STAG1: variants seen among roughly 807,000 people sequenced by gnomAD.
The protein encoded by STAG1 is cohesin subunit SA-1.
Under a neutral mutation model 170.9 loss-of-function variants are expected in STAG1, and 26 were observed. That is an observed-to-expected ratio of 0.15 (90% confidence interval 0.11 to 0.21). The LOEUF (loss-of-function observed/expected upper bound fraction) is 0.21, where lower values mean the gene tolerates loss of function less well. Among genes scored for constraint, STAG1 ranks in the 10% least tolerant of loss-of-function variants. The pLI is 1.00. For missense variants in STAG1, 964 were observed against 1,509.5 expected (o/e 0.64, Z 5.99); for synonymous variants, 514 against 497.7 (o/e 1.03, Z -0.44).
chr3:136,478,992 A>C (rs1229680869), intron 9 of STAG1, among the ~76,000 whole-genome samples: 1 of 152,036 alleles, frequency 6.6e-6, no homozygotes, highest in Non-Finnish European at 1.5e-5. Context: ...CTTAATACAA[A>C]TAGAAGACTT....
At chr3:136,592,305 T>G (rs894487579) in intron 4 of STAG1, among the ~76,000 whole-genome samples, 1 of 152,282 alleles carries the variant, frequency 6.6e-6, no homozygotes, top group Admixed American at 6.5e-5. Context: ...TCCCCTATAA[T>G]GTTCTCATGA....
At chr3:136,405,432 G>C (rs1232139178) in intron 21 of STAG1, among the ~76,000 whole-genome samples, 1 of 151,538 alleles carries the variant, frequency 6.6e-6, no homozygotes, top group African/African-American at 2.4e-5. Context: ...AGTAGAGACA[G>C]GGTTTCACCA....
intron 9 of STAG1, among the ~76,000 whole-genome samples, chr3:136,493,849 C>A (rs1256587638): frequency 6.6e-6 from 1 of 151,984 alleles, no homozygotes; most frequent in African/African-American, 2.4e-5. Context: ...GGGCTGACAA[C>A]CCCCCAAAAA....
At chr3:136,659,781 A>G (rs1009156002) in intron 1 of STAG1, among the ~76,000 whole-genome samples, 3 of 152,276 alleles carry the variant, frequency 2.0e-5, no homozygotes, top group Non-Finnish European at 4.4e-5. Context: ...ACTAAAATTT[A>G]GCAATGGGCC....
intron 16 of STAG1, among the ~76,000 whole-genome samples, chr3:136,427,716 C>T (rs1323034541): frequency 6.7e-6 from 1 of 149,460 alleles, no homozygotes; most frequent in African/African-American, 2.5e-5. Context: ...GGTGCAAAAA[C>T]CACTGTACCT....
intron 6 of STAG1, among the ~76,000 whole-genome samples, chr3:136,541,571 C>T (rs1267743575): frequency 6.6e-6 from 1 of 151,556 alleles, no homozygotes; most frequent in Non-Finnish European, 1.5e-5. Flanking sequence ...CACACACACA[C>T]ACACACACAC....
rs535245987 is a variant in STAG1 at position 136,521,329 on chromosome 3, C to T, written c.560G>A (p.Arg187Gln). Reference protein sequence around the residue: ...NFCEFIGVLIRQCQYSIIYDE... With the variant: ...NFCEFIGVLIQQCQYSIIYDE... Reference sequence around the variant, plus strand: ...ATAAATTATGCTATACTGACACTGTCGAATCAGGACTCCAATAAATTCACA... The same window carrying T: ...ATAAATTATGCTATACTGACACTGTTGAATCAGGACTCCAATAAATTCACA... Residue 187 changes from arginine to glutamine, a missense_variant, in exon 7 of 34, where the codon CGA becomes CAA. By Grantham distance (43) the Arg-to-Gln change is conservative. Around this residue, in one of 11 missense-constraint regions of STAG1, gnomAD observed 40 missense variants for 44.1 expected, o/e 0.91. Coordinates refer to ENST00000383202, the MANE Select transcript of STAG1 (RefSeq NM_005862.3). The T allele has an allele frequency of 5.6e-6, 9 of 1,613,660 alleles. No homozygotes were observed. Among genetic ancestry groups the T allele is most frequent in the East Asian group, 2.2e-5 (1 of 44,846 alleles).
intron 1 of STAG1, among the ~76,000 whole-genome samples, chr3:136,679,194 T>G (rs906475070): frequency 2.6e-5 from 4 of 152,126 alleles, no homozygotes; most frequent in African/African-American, 9.7e-5. Context: ...CAAATTTTTG[T>G]GGAAAGCAAT....
At chr3:136,524,827 G>A (rs543493345) in intron 6 of STAG1, among the ~76,000 whole-genome samples, 1 of 152,266 alleles carries the variant, frequency 6.6e-6, no homozygotes, top group East Asian at 1.9e-4. Flanking sequence ...TTTGTCAAAG[G>A]CCTTTTCAGC....
chr3:136,396,322 A>G (rs976655644), intron 22 of STAG1, among the ~76,000 whole-genome samples: 5 of 143,780 alleles, frequency 3.5e-5, no homozygotes, highest in African/African-American at 1.3e-4. Context: ...GGCTCCGGCC[A>G]TTCTCCTGCC....
chr3:136,712,851 G>A (rs1349172580), intron 1 of STAG1, among the ~76,000 whole-genome samples: 1 of 152,262 alleles, frequency 6.6e-6, no homozygotes, highest in Non-Finnish European at 1.5e-5. Context: ...AGCACTCTGG[G>A]AGGCTGAGGC....
intron 12 of STAG1, among the ~76,000 whole-genome samples, chr3:136,467,561 G>T (rs1310688982): frequency 6.6e-6 from 1 of 152,110 alleles, no homozygotes; most frequent in Non-Finnish European, 1.5e-5. Context: ...ATAATAATGG[G>T]AGACTCTGAC....
At chr3:136,525,225 T>C (rs1200590955) in intron 6 of STAG1, among the ~76,000 whole-genome samples, 1 of 152,232 alleles carries the variant, frequency 6.6e-6, no homozygotes, top group Admixed American at 6.5e-5. Context: ...CATCTCGTCC[T>C]GGACTTTTTT....
chr3:136,587,561 A>G (rs997111132), intron 4 of STAG1, among the ~76,000 whole-genome samples: 4 of 150,492 alleles, frequency 2.7e-5, no homozygotes, highest in African/African-American at 9.8e-5. Flanking sequence ...AAAAAAAAAA[A>G]GCAATTTATA....
At chr3:136,606,463 C>T (rs913318514) in intron 3 of STAG1, among the ~76,000 whole-genome samples, 6 of 152,210 alleles carry the variant, frequency 3.9e-5, no homozygotes, top group Admixed American at 1.3e-4. Context: ...GCCACAATGA[C>T]AGGCATCAGC....
At chr3:136,432,968 C>T (rs1208688188) in intron 16 of STAG1, among the ~76,000 whole-genome samples, 2 of 152,050 alleles carry the variant, frequency 1.3e-5, no homozygotes, top group Non-Finnish European at 2.9e-5. Context: ...AAAATATTTC[C>T]CAATGTGTGT....
intron 14 of STAG1, among the ~76,000 whole-genome samples, chr3:136,446,946 G>A (rs2088798272): frequency 1.3e-5 from 2 of 151,350 alleles, no homozygotes; most frequent in East Asian, 2.0e-4. Flanking sequence ...GACTACAGGT[G>A]CATCCCACCA....
intron 5 of STAG1, among the ~76,000 whole-genome samples, chr3:136,564,671 A>AT (rs1301989782): frequency 2.0e-5 from 3 of 152,082 alleles, no homozygotes; most frequent in Admixed American, 2.0e-4. Context: ...TTTAAGACCC[A>AT]TTTTGTCAAA....
Position 136,338,123 on chromosome 3 carries a change from T to A in STAG1, c.*131A>T. The A allele has an allele frequency of 1.5e-6, 1 of 650,096 alleles. No individual in the cohort carries two copies. Among genetic ancestry groups the A allele is most frequent in the Admixed American group, 2.9e-5 (1 of 34,162 alleles). The allele number at this position is 650,096 out of a possible 1,614,324, so 40.3% of individuals were successfully genotyped here. A position where few individuals can be genotyped will look rare whatever the true frequency, so the allele number is the denominator to read the frequency against. On this transcript the variant is annotated 3_prime_UTR_variant, in exon 34 of 34. Transcript: ENST00000383202. ...CTCTTCTGTCACTGCAAAAAGGGAT[T>A]GACCTTAATCATTTGATTAAAAAAC...
Sources: allele counts gnomAD v4.1 joint callset (sites outside exome capture counted in the v4.1 genomes callset), GRCh38; gene constraint gnomAD v4.1.1; regional missense constraint gnomAD v4.1.1; transcripts MANE v1.5; gene names NCBI Gene and HGNC (gene_info 2026-07-23, HGNC 2026-07-21).